The following FGF12 variants were observed in gnomAD, a reference collection of about 807,000 sequenced individuals.
The protein encoded by FGF12 is fibroblast growth factor 12B.
In FGF12, 14 loss-of-function variants were observed where a neutral mutation model predicts 23.6. The observed-to-expected ratio is 0.59, with a 90% CI of 0.39 to 0.93. The LOEUF (loss-of-function observed/expected upper bound fraction) is 0.93, where lower values mean the gene tolerates loss of function less well. Ranked by LOEUF, FGF12 falls within the 40% of genes least tolerant of loss-of-function variation. FGF12 has a pLI of 0.00. For missense variants in FGF12, 175 were observed against 217.8 expected, an observed-to-expected ratio of 0.80 and a Z score of 1.24; for synonymous variants, 62 against 77.3, an observed-to-expected ratio of 0.80 and a Z score of 1.04.
Position 192,436,072 on chromosome 3 carries a change from G to A in FGF12, c.14-75534C>T, listed in dbSNP as rs562611927. ...CGTCTTTATTGAACACTCACTTCAC[G>A]CCAGGCCTCGTGCTAGGGGTTGGAG... On this transcript the variant is annotated intron_variant, in intron 2 of 5. Coordinates refer to ENST00000445105, the MANE Select transcript of FGF12 (RefSeq NM_004113.6). Among the ~76,000 whole-genome samples the A allele has an allele frequency of 3.3e-5, 5 of 152,164 alleles. No individual in the cohort carries two copies. In the South Asian group the frequency reaches 8.3e-4, roughly 25 times the overall value.
chr3:192,391,951 A>G (rs971059045), intron 2 of FGF12, among the ~76,000 whole-genome samples: 3 of 152,188 alleles, frequency 2.0e-5, no homozygotes, highest in African/African-American at 2.4e-5. Context: ...ATAAGCAAAG[A>G]TTTATGTTTA....
chr3:192,572,640 C>T (rs532853219), intron 2 of FGF12, among the ~76,000 whole-genome samples: 2 of 152,272 alleles, frequency 1.3e-5, no homozygotes, highest in Admixed American at 1.3e-4. Context: ...AGACAAATAC[C>T]ACTCACTGGG....
At chr3:192,163,135 C>T (rs1473797796) in intron 5 of FGF12, among the ~76,000 whole-genome samples, 2 of 152,248 alleles carry the variant, frequency 1.3e-5, no homozygotes, top group South Asian at 2.1e-4. Context: ...AGCAAGGCTG[C>T]TCTGCCTATG....
At chr3:192,589,296 C>T (rs1385600548) in intron 2 of FGF12, among the ~76,000 whole-genome samples, 1 of 149,882 alleles carries the variant, frequency 6.7e-6, no homozygotes, top group African/African-American at 2.5e-5. Flanking sequence ...GATTGCACCA[C>T]TGCCCTCCAG....
At chr3:192,670,754 A>G (rs1717081374) in intron 2 of FGF12, among the ~76,000 whole-genome samples, 1 of 152,228 alleles carries the variant, frequency 6.6e-6, no homozygotes, top group Non-Finnish European at 1.5e-5. Flanking sequence ...TAGTACATCA[A>G]TAAGAATGGT....
intron 4 of FGF12, among the ~76,000 whole-genome samples, chr3:192,289,435 G>A (rs1714636762): frequency 6.6e-6 from 1 of 152,126 alleles, no homozygotes; most frequent in South Asian, 2.1e-4. Flanking sequence ...CAAAAGGAAG[G>A]TAAGAATAAA....
intron 4 of FGF12, among the ~76,000 whole-genome samples, chr3:192,214,744 A>G (rs994876954): frequency 1.3e-5 from 2 of 152,276 alleles, no homozygotes; most frequent in Non-Finnish European, 2.9e-5. Flanking sequence ...GCTGTCTTAA[A>G]TATCAACATT....
intron 3 of FGF12, among the ~76,000 whole-genome samples, chr3:192,351,235 G>A (rs1015584739): frequency 6.6e-6 from 1 of 152,064 alleles, no homozygotes; most frequent in African/African-American, 2.4e-5. Context: ...TTTTCTAAAC[G>A]CTTCATTTTA....
At chr3:192,200,555 T>G (rs1200929910) in intron 4 of FGF12, among the ~76,000 whole-genome samples, 1 of 152,158 alleles carries the variant, frequency 6.6e-6, no homozygotes, top group East Asian at 1.9e-4. Context: ...GTTTCCCCCA[T>G]ATGTGTACAC....
intron 2 of FGF12, among the ~76,000 whole-genome samples, chr3:192,489,235 C>T (rs1723728047): frequency 1.3e-5 from 2 of 151,920 alleles, no homozygotes; most frequent in Non-Finnish European, 2.9e-5. Context: ...AGCAAAAATA[C>T]TACACATAAA....
At chr3:192,531,762 C>T (rs921860627) in intron 2 of FGF12, among the ~76,000 whole-genome samples, 3 of 152,096 alleles carry the variant, frequency 2.0e-5, no homozygotes, top group African/African-American at 7.2e-5. Flanking sequence ...AATTTTCTAC[C>T]ACACGCTTGA....
chr3:192,241,422 C>T (rs1480029808), intron 4 of FGF12, among the ~76,000 whole-genome samples: 2 of 151,874 alleles, frequency 1.3e-5, no homozygotes. Flanking sequence ...CAAAGGAAAA[C>T]ACTACAAAGA....
At chr3:192,504,203 G>C (rs1368780676) in intron 2 of FGF12, among the ~76,000 whole-genome samples, 2 of 152,018 alleles carry the variant, frequency 1.3e-5, no homozygotes, top group East Asian at 3.9e-4. Context: ...TGGAGGGTGT[G>C]GGGAGGGTGA....
intron 2 of FGF12, among the ~76,000 whole-genome samples, chr3:192,666,051 A>G (rs1331035493): frequency 6.6e-6 from 1 of 152,230 alleles, no homozygotes; most frequent in Non-Finnish European, 1.5e-5. Flanking sequence ...TAACTTACCT[A>G]TGAAGTAGAA....
chr3:192,182,274 T>G (rs2108635404), intron 4 of FGF12, among the ~76,000 whole-genome samples: 1 of 152,252 alleles, frequency 6.6e-6, no homozygotes, highest in South Asian at 2.1e-4. Flanking sequence ...CATGTATTAT[T>G]ACTTCAAGTA....
intron 2 of FGF12, among the ~76,000 whole-genome samples, chr3:192,658,856 AAAAC>A (rs529264525): frequency 6.6e-6 from 1 of 152,098 alleles, no homozygotes; most frequent in Admixed American, 6.6e-5. Context: ...TTTGTTCTAA[AAAAC>A]AAACAAACAA....
Position 192,185,856 on chromosome 3 carries a change from C to CT in FGF12, c.229-15201dup, listed in dbSNP as rs1352021583. 4.9e-5 allele frequency among the ~76,000 whole-genome samples: 7 copies of CT among 143,336 alleles called. No homozygotes were observed. The East Asian group carries it at 6.2e-4, about 13-fold the overall frequency. The allele number at this position is 143,336 out of a possible 152,430, so 94.0% of individuals were successfully genotyped here. A position where few individuals can be genotyped will look rare whatever the true frequency, so the allele number is the denominator to read the frequency against. On this transcript the variant is annotated intron_variant, in intron 4 of 5. Transcript: ENST00000445105. ...CCTGGGCGACAGAGCGAGGCTCCGT[C>CT]TAAAAAAAAAAAAAAAGTTACAGCG...
At chr3:192,607,711 C>A (rs546947572) in intron 2 of FGF12, among the ~76,000 whole-genome samples, 14 of 151,990 alleles carry the variant, frequency 9.2e-5, no homozygotes, top group Admixed American at 8.5e-4. Flanking sequence ...TTAAGCTCCC[C>A]ATGTATTTCA....
At chr3:192,509,883 A>C (rs983614091) in intron 2 of FGF12, among the ~76,000 whole-genome samples, 2 of 151,968 alleles carry the variant, frequency 1.3e-5, no homozygotes, top group African/African-American at 2.4e-5. Flanking sequence ...ATTAAATCTT[A>C]TTATTTAAGC....
Sources: gnomAD v4.1 joint callset for allele counts (sites outside exome capture counted in the v4.1 genomes callset) on GRCh38, gnomAD v4.1.1 for gene constraint, MANE v1.5 for transcripts, NCBI Gene and HGNC (gene_info 2026-07-23, HGNC 2026-07-21) for gene names.